The following PCDHGA1 variants were observed in gnomAD, a reference collection of about 807,000 sequenced individuals.
PCDHGA1 encodes protocadherin gamma-A1.
Under a neutral mutation model 58.0 loss-of-function variants are expected in PCDHGA1, and 32 were observed. The observed-to-expected ratio is 0.55, with a 90% CI of 0.42 to 0.74. The LOEUF is 0.74. Among genes scored for constraint, PCDHGA1 ranks in the 30% least tolerant of loss-of-function variants. The pLI is 0.00. For synonymous variants in PCDHGA1, 498 were observed against 501.1 expected, an observed-to-expected ratio of 0.99 and a Z score of 0.08; for missense variants, 1,205 against 1,182.3, an observed-to-expected ratio of 1.02 and a Z score of -0.28.
intron 1 of PCDHGA1, chr5:141,345,092 A>T: frequency 1.9e-6 from 3 of 1,613,964 alleles, no homozygotes; most frequent in Non-Finnish European, 2.5e-6. Context: ...CGTCTCTCAC[A>T]AGCTCAGTCC....
intron 1 of PCDHGA1, chr5:141,471,509 TA>T (rs1211467109): frequency 6.6e-6 from 1 of 152,008 alleles, no homozygotes; most frequent in Non-Finnish European, 1.5e-5. Context: ...AGAGAGGGAG[TA>T]AAAATAACAG....
At position 141,486,370 on chromosome 5, in the gene PCDHGA1, T is replaced by C. The variant is rs755925357; in HGVS notation, c.2422-8437T>C. Reference sequence around the variant, plus strand: ...ACCACTTGCCATTTGCCCTCAAGTCTGCCTTCAGGAACCAGTTCTCCCTGG... The same window carrying C: ...ACCACTTGCCATTTGCCCTCAAGTCCGCCTTCAGGAACCAGTTCTCCCTGG... On this transcript the variant is annotated intron_variant, in intron 1 of 3. Coordinates refer to ENST00000517417, the MANE Select transcript of PCDHGA1 (RefSeq NM_018912.3). The surrounding 1 kb of genome is among the most constrained non-coding windows in gnomAD (Gnocchi z 5.0). 8 of 1,613,988 alleles carry C rather than the reference T, an allele frequency of 5.0e-6. No individual in the cohort carries two copies. The Admixed American group carries it at 1.3e-4, about 27-fold the overall frequency.
chr5:141,331,017 G>T lies in PCDHGA1; in HGVS notation c.333G>T (p.Glu111Asp). 6.2e-7 allele frequency: 1 copy of T among 1,613,924 alleles called. No homozygotes were observed. The highest frequency in any genetic ancestry group is 8.5e-7 in the Non-Finnish European group (1 of 1,179,952). Residue 111 changes from glutamate (E) to aspartate (D), a missense_variant, in exon 1 of 4, where the codon GAG becomes GAT. Coordinates refer to ENST00000517417, the MANE Select transcript of PCDHGA1 (RefSeq NM_018912.3). The part of the protein sequence containing the change: ...PCLVSFNILV[E>D]DKMKLFPVEV... ...TCGTGAGTTTTAATATCCTTGTTGAGGATAAAATGAAGCTTTTTCCTGTTG... is the reference window on the plus strand; with the variant it reads ...TCGTGAGTTTTAATATCCTTGTTGATGATAAAATGAAGCTTTTTCCTGTTG...
chr5:141,455,244 T>C (rs977940552), intron 1 of PCDHGA1, among the ~76,000 whole-genome samples: 1 of 152,142 alleles, frequency 6.6e-6, no homozygotes, highest in Admixed American at 6.5e-5. Flanking sequence ...TTAAAGGTCA[T>C]AGTACAATCG....
At chr5:141,374,338 C>T in intron 1 of PCDHGA1, 1 of 1,613,994 alleles carries the variant, frequency 6.2e-7, no homozygotes, top group Non-Finnish European at 8.5e-7. Context: ...GCAGCTTGGT[C>T]ACCGCGGGTA....
chr5:141,378,862 C>T (rs899917720), intron 1 of PCDHGA1: 2 of 152,096 alleles, frequency 1.3e-5, no homozygotes, highest in African/African-American at 4.8e-5. Flanking sequence ...CAATGATGTT[C>T]GAATAGAAAA....
chr5:141,398,889 C>A (rs1300521650), intron 1 of PCDHGA1: 2 of 1,613,958 alleles, frequency 1.2e-6, no homozygotes, highest in Non-Finnish European at 1.7e-6. Context: ...TTCGGGAAAA[C>A]GTGCCACCAG....
chr5:141,434,838 A>G (rs1363952147), intron 1 of PCDHGA1, among the ~76,000 whole-genome samples: 1 of 152,022 alleles, frequency 6.6e-6, no homozygotes, highest in Non-Finnish European at 1.5e-5. Context: ...GGCATTTATA[A>G]AGCAGACATC....
At position 141,414,671 on chromosome 5, in the gene PCDHGA1, C is replaced by A. The variant is rs115280317; in HGVS notation, c.2422-80136C>A. On this transcript the variant is annotated intron_variant, in intron 1 of 3. Coordinates refer to ENST00000517417, the MANE Select transcript of PCDHGA1 (RefSeq NM_018912.3). ...ATTATTTACTCCCTGGCTGAAGACA[C>A]CATCCAGGGGGTACCTCTGTCCTCA... 857 of 1,613,966 alleles carry A rather than the reference C, an allele frequency of 5.3e-4. 9 individuals carry two copies. In the African/African-American group the frequency reaches 0.01, roughly 19 times the overall value.
rs1378140695 is a variant in PCDHGA1, at chr5:141,485,189, A to G, written c.2422-9618A>G. On this transcript the variant is annotated intron_variant, in intron 1 of 3. Transcript: ENST00000517417. The surrounding 1 kb of genome is among the most constrained non-coding windows in gnomAD (Gnocchi z 5.7). ...GGCGGCAGCAATGCTCCGCAAGGTGAGAAGCTGGACAGAAATCTGGCGGTG... is the reference window on the plus strand; with the variant it reads ...GGCGGCAGCAATGCTCCGCAAGGTGGGAAGCTGGACAGAAATCTGGCGGTG... 1 of 1,613,726 alleles carries G rather than the reference A, an allele frequency of 6.2e-7. No homozygotes were observed. The highest frequency in any genetic ancestry group is 1.7e-5 in the Admixed American group (1 of 60,020).
chr5:141,405,540 C>A (rs2094682922), intron 1 of PCDHGA1: 1 of 641,202 alleles, frequency 1.6e-6, no homozygotes, highest in African/African-American at 1.8e-5. Context: ...CTGCCTCAGC[C>A]TCCCAAGTAG....
At chr5:141,361,527 C>G in intron 1 of PCDHGA1, 1 of 1,614,060 alleles carries the variant, frequency 6.2e-7, no homozygotes, top group Non-Finnish European at 8.5e-7. Context: ...TGGCAGAGAA[C>G]AATCCTCCTG....
rs73280340 is a variant in PCDHGA1, at chr5:141,473,067, G to A, written c.2422-21740G>A. On this transcript the variant is annotated intron_variant, in intron 1 of 3. Transcript: ENST00000517417. ...GAAAGAAGTGATACAACAAGTTACA[G>A]CATCTTTGTTTATTATCCACTGTGA... Among the ~76,000 whole-genome samples the A allele has an allele frequency of 5.6e-3, 854 of 152,054 alleles. 5 individuals are homozygous for A. The highest frequency in any genetic ancestry group is 0.019 in the African/African-American group (798 of 41,456).
chr5:141,357,109 G>T, intron 1 of PCDHGA1: 1 of 1,613,832 alleles, frequency 6.2e-7, no homozygotes, highest in Non-Finnish European at 8.5e-7. Context: ...GGACAGAGAC[G>T]CGCTCAAGCA....
intron 1 of PCDHGA1, chr5:141,419,076 C>G: frequency 6.2e-7 from 1 of 1,613,956 alleles, no homozygotes; most frequent in Non-Finnish European, 8.5e-7. Context: ...AAGCTAGTAA[C>G]AGATGAGGCC....
intron 1 of PCDHGA1, among the ~76,000 whole-genome samples, chr5:141,335,594 A>G (rs905494391): frequency 1.5e-4 from 23 of 152,202 alleles, no homozygotes; most frequent in Admixed American, 1.1e-3. Flanking sequence ...TAACATAAAG[A>G]AGATTTGAAC....
intron 1 of PCDHGA1, among the ~76,000 whole-genome samples, chr5:141,425,694 A>G (rs1006103007): frequency 6.6e-6 from 1 of 152,240 alleles, no homozygotes; most frequent in Non-Finnish European, 1.5e-5. Context: ...ATATCATTTC[A>G]TAGTGGTCAA....
At chr5:141,389,320 T>TG (rs764190187) in intron 1 of PCDHGA1, 4 of 1,613,964 alleles carry the variant, frequency 2.5e-6, no homozygotes, top group Non-Finnish European at 3.4e-6. Context: ...GATCCGGACT[T>TG]GGGGCCCAAC....
At chr5:141,407,649 G>A (rs541467957) in intron 1 of PCDHGA1, among the ~76,000 whole-genome samples, 1 of 152,050 alleles carries the variant, frequency 6.6e-6, no homozygotes, top group East Asian at 1.9e-4. Flanking sequence ...AAAATAATGG[G>A]GGAGCGCAGT....
Sources: allele counts gnomAD v4.1 joint callset (sites outside exome capture counted in the v4.1 genomes callset), GRCh38; gene constraint gnomAD v4.1.1; non-coding constraint Gnocchi (gnomAD v3.1); transcripts MANE v1.5; gene names NCBI Gene and HGNC (gene_info 2026-07-23, HGNC 2026-07-21).